The following PLEKHM3 variants were observed in gnomAD, a reference collection of about 807,000 sequenced individuals.
PLEKHM3 encodes the protein pleckstrin homology domain containing M3, also known as pleckstrin homology domain-containing family M member 3.
Under a neutral mutation model 81.8 loss-of-function variants are expected in PLEKHM3, and 45 were observed. The observed-to-expected ratio is 0.55, with a 90% CI of 0.43 to 0.71. The LOEUF is 0.71. Among genes scored for constraint, PLEKHM3 ranks in the 30% least tolerant of loss-of-function variants. The pLI is 0.00. For synonymous variants in PLEKHM3, 352 were observed against 356.4 expected, an observed-to-expected ratio of 0.99 and a Z score of 0.14; for missense variants, 788 against 924.3, an observed-to-expected ratio of 0.85 and a Z score of 1.91.
chr2:207,929,572 A>T (rs1289426760), intron 5 of PLEKHM3, among the ~76,000 whole-genome samples: 1 of 152,214 alleles, frequency 6.6e-6, no homozygotes, highest in East Asian at 1.9e-4. Context: ...GAGACATATA[A>T]TTCTATTGCC....
intron 7 of PLEKHM3, among the ~76,000 whole-genome samples, chr2:207,860,432 T>C: frequency 6.6e-6 from 1 of 152,098 alleles, no homozygotes; most frequent in East Asian, 1.9e-4. Flanking sequence ...AAATGAGCCA[T>C]GACATTCATG....
chr2:208,004,487 G>A (rs1448846824), intron 1 of PLEKHM3, among the ~76,000 whole-genome samples: 1 of 152,090 alleles, frequency 6.6e-6, no homozygotes, highest in Non-Finnish European at 1.5e-5. Context: ...AACCCACATG[G>A]TCTAAAGCCA....
chr2:207,894,879 C>T (rs1688172482), intron 6 of PLEKHM3, among the ~76,000 whole-genome samples: 1 of 152,106 alleles, frequency 6.6e-6, no homozygotes, highest in South Asian at 2.1e-4. Flanking sequence ...CGACTTTGTG[C>T]CAGTAAATCT....
chr2:207,865,801 A>AAAAAAAAAAAAAATAT lies in PLEKHM3; in HGVS notation c.1951-4540_1951-4539insATATTTTTTTTTTTTT. Reference sequence around the variant, plus strand: ...CGACTCAAAAAAAAAAAAAAAAAAAAAGATATATATATATATATATATATA... The same window carrying AAAAAAAAAAAAAATAT: ...CGACTCAAAAAAAAAAAAAAAAAAAAAAAAAAAAAAAAATATAGATATATATATATATATATATATA... On this transcript the variant is annotated intron_variant, in intron 6 of 7. Coordinates refer to ENST00000427836, the MANE Select transcript of PLEKHM3 (RefSeq NM_001080475.3). Among the ~76,000 whole-genome samples the AAAAAAAAAAAAAATAT allele has an allele frequency of 4.7e-4, 12 of 25,286 alleles. 1 individual carries two copies. Among genetic ancestry groups the AAAAAAAAAAAAAATAT allele is most frequent in the South Asian group, 1.1e-3 (1 of 924 alleles). 16.6% of individuals were successfully genotyped at this position (25,286 alleles called of 152,430 possible). A position where few individuals can be genotyped will look rare whatever the true frequency, so the allele number is the denominator to read the frequency against.
chr2:207,920,646 T>C (rs1689149934), intron 5 of PLEKHM3, among the ~76,000 whole-genome samples: 1 of 146,904 alleles, frequency 6.8e-6, no homozygotes, highest in Admixed American at 6.8e-5. Flanking sequence ...TCTAAAGCAG[T>C]TTGCCTATTT....
intron 7 of PLEKHM3, among the ~76,000 whole-genome samples, chr2:207,854,159 G>A (rs1301045962): frequency 6.6e-6 from 1 of 152,126 alleles, no homozygotes; most frequent in Non-Finnish European, 1.5e-5. Context: ...TATTTCTGAG[G>A]ACATAAAAAT....
chr2:207,864,832 T>A (rs1211811284), intron 6 of PLEKHM3, among the ~76,000 whole-genome samples: 1 of 152,230 alleles, frequency 6.6e-6, no homozygotes, highest in African/African-American at 2.4e-5. Context: ...AACAATGTGA[T>A]ACATATCTCC....
intron 1 of PLEKHM3, among the ~76,000 whole-genome samples, chr2:208,017,848 C>A (rs553158826): frequency 6.6e-6 from 1 of 152,198 alleles, no homozygotes; most frequent in South Asian, 2.1e-4. Context: ...TACTGAACAC[C>A]CACTCTTTCC....
rs550784300 is a variant in PLEKHM3, at chr2:207,828,067, T to C, written c.*252A>G. The C allele has an allele frequency of 3.9e-6, 1 of 259,690 alleles. No individual in the cohort carries two copies. Among genetic ancestry groups the C allele is most frequent in the African/African-American group, 2.2e-5 (1 of 45,238 alleles). 16.1% of individuals were successfully genotyped at this position (259,690 alleles called of 1,614,324 possible). ...GGAGCAAGCAGCTGAAATTCTTGGC[T>C]AAGTGTAATCCAGCTATTGGTAGTT... is the stretch of plus-strand genomic sequence containing the variant. On this transcript the variant is annotated 3_prime_UTR_variant, in exon 8 of 8. Coordinates refer to ENST00000427836, the MANE Select transcript of PLEKHM3 (RefSeq NM_001080475.3).
At chr2:207,839,141 G>A (rs922209616) in intron 7 of PLEKHM3, among the ~76,000 whole-genome samples, 17 of 152,048 alleles carry the variant, frequency 1.1e-4, no homozygotes, top group African/African-American at 4.8e-5. Flanking sequence ...AGGAAGATAC[G>A]CACCTAAGAC....
chr2:207,856,308 C>T (rs113486064), intron 7 of PLEKHM3, among the ~76,000 whole-genome samples: 5 of 152,214 alleles, frequency 3.3e-5, no homozygotes, highest in South Asian at 2.1e-4. Context: ...GAACCAATAT[C>T]GATATATCAT....
intron 2 of PLEKHM3, among the ~76,000 whole-genome samples, chr2:207,982,578 CTTTTTTTT>C (rs34116964): frequency 1.0e-3 from 135 of 129,168 alleles, no homozygotes; most frequent in Non-Finnish European, 1.6e-3. Flanking sequence ...CATTGATTTT[CTTTTTTTT>C]TTTTTTTTTG....
At chr2:207,928,645 G>C (rs905429306) in intron 5 of PLEKHM3, among the ~76,000 whole-genome samples, 1 of 152,220 alleles carries the variant, frequency 6.6e-6, no homozygotes, top group African/African-American at 2.4e-5. Context: ...ACAATATACT[G>C]GGTTAGACTT....
Position 207,828,310 on chromosome 2 carries a change from C to A in PLEKHM3, c.*9G>T. Reference sequence around the variant, plus strand: ...ATTGGTGAATCCCTGGCCTTCGGGTCGGCTGGAGTCAGGTGTTCTGGTAGG... The same window carrying A: ...ATTGGTGAATCCCTGGCCTTCGGGTAGGCTGGAGTCAGGTGTTCTGGTAGG... On this transcript the variant is annotated 3_prime_UTR_variant, in exon 8 of 8. Transcript: ENST00000427836. The A allele has an allele frequency of 6.2e-7, 1 of 1,601,918 alleles. No individual in the cohort carries two copies. The highest frequency in any genetic ancestry group is 1.1e-5 in the South Asian group (1 of 89,704).
intron 1 of PLEKHM3, among the ~76,000 whole-genome samples, chr2:208,025,140 A>C (rs1312410478): frequency 6.6e-6 from 1 of 152,166 alleles, no homozygotes; most frequent in Non-Finnish European, 1.5e-5. Context: ...CTACTATTTC[A>C]ACTACTTTCT....
At chr2:207,934,860 A>C (rs1239533222) in intron 4 of PLEKHM3, among the ~76,000 whole-genome samples, 1 of 152,218 alleles carries the variant, frequency 6.6e-6, no homozygotes. Context: ...ACTTCTTAAA[A>C]ACAAAGTTCT....
chr2:207,914,367 G>A (rs1312940784), intron 5 of PLEKHM3, among the ~76,000 whole-genome samples: 6 of 151,980 alleles, frequency 3.9e-5, no homozygotes, highest in East Asian at 1.9e-4. Context: ...GCATGGTGGC[G>A]CATGCCCGTG....
Position 207,824,807 on chromosome 2 carries a change from C to T in PLEKHM3, c.*3512G>A, listed in dbSNP as rs886454732. ...GGTGGTGTAAACACCTCGGATCTCA[C>T]TGCAGCCGGAAGGAAGTCACGGCAT... On this transcript the variant is annotated 3_prime_UTR_variant, in exon 8 of 8. Transcript: ENST00000427836. 1 of 152,198 alleles carries T rather than the reference C, an allele frequency of 6.6e-6. No homozygotes were observed. The highest frequency in any genetic ancestry group is 2.4e-5 in the African/African-American group (1 of 41,456). 9.4% of individuals were successfully genotyped at this position (152,198 alleles called of 1,614,324 possible).
intron 6 of PLEKHM3, among the ~76,000 whole-genome samples, chr2:207,904,552 T>C (rs1688543271): frequency 6.6e-6 from 1 of 152,176 alleles, no homozygotes; most frequent in Admixed American, 6.5e-5. Context: ...AAACAGACAA[T>C]TAGGGACTCA....
Sources: gnomAD v4.1 joint callset for allele counts (sites outside exome capture counted in the v4.1 genomes callset) on GRCh38, gnomAD v4.1.1 for gene constraint, MANE v1.5 for transcripts, NCBI Gene and HGNC (gene_info 2026-07-23, HGNC 2026-07-21) for gene names.